The following COG5 variants were observed in gnomAD, a reference collection of about 807,000 sequenced individuals.
COG5 encodes the protein conserved oligomeric Golgi complex subunit 5.
COG5 carries 86 observed loss-of-function variants against 110.4 expected under a neutral mutation model. The ratio of observed to expected loss-of-function variants is 0.78; its 90% CI spans 0.65 to 0.93. The LOEUF (loss-of-function observed/expected upper bound fraction) is 0.93, where lower values mean the gene tolerates loss of function less well. Among genes scored for constraint, COG5 ranks in the 40% least tolerant of loss-of-function variants. The pLI is 0.00. For synonymous variants in COG5, 360 were observed against 334.6 expected, an observed-to-expected ratio of 1.08 and a Z score of -0.83; for missense variants, 1,077 against 987.0, an observed-to-expected ratio of 1.09 and a Z score of -1.22.
intron 19 of COG5, among the ~76,000 whole-genome samples, chr7:107,216,485 TGTCATATGTTAG>T (rs1391193380): frequency 6.6e-6 from 1 of 152,194 alleles, no homozygotes; most frequent in Non-Finnish European, 1.5e-5. Context: ...CTTCAGGATA[TGTCATATGTTAG>T]GTCGCAAACC....
In COG5 at chr7:107,373,007, T is replaced by TA. The variant is rs1325479579; in HGVS notation, c.670-248dup. ...CCCCCTTACCATTTTTGTCCTCCTT[T>TA]AAAAAATAACAAGAAGTTTGAAAGT... On this transcript the variant is annotated intron_variant, in intron 7 of 21. Transcript: ENST00000297135. Among the ~76,000 whole-genome samples, 4 of 152,224 alleles carry TA rather than the reference T, an allele frequency of 2.6e-5. No individual in the cohort carries two copies. The East Asian group carries it at 7.7e-4, about 29-fold the overall frequency.
chr7:107,245,397 C>A (rs1052180150), intron 17 of COG5, among the ~76,000 whole-genome samples: 1 of 152,126 alleles, frequency 6.6e-6, no homozygotes, highest in Non-Finnish European at 1.5e-5. Flanking sequence ...TAAAGAGCAT[C>A]TAAATAGGAA....
intron 14 of COG5, among the ~76,000 whole-genome samples, chr7:107,270,258 CTTTTT>C (rs10611550): frequency 3.6e-5 from 5 of 138,308 alleles, no homozygotes; most frequent in Non-Finnish European, 4.7e-5. Context: ...CTCACACGTG[CTTTTT>C]TTTTTTTTTT....
At chr7:107,224,696 G>A (rs1800194091) in intron 19 of COG5, among the ~76,000 whole-genome samples, 1 of 152,236 alleles carries the variant, frequency 6.6e-6, no homozygotes, top group Non-Finnish European at 1.5e-5. Context: ...AGGAGAAGCT[G>A]AGGTAACAAC....
intron 5 of COG5, among the ~76,000 whole-genome samples, chr7:107,538,626 T>A (rs905700862): frequency 6.6e-6 from 1 of 152,146 alleles, no homozygotes; most frequent in African/African-American, 2.4e-5. Flanking sequence ...AGAATCTTCA[T>A]ACATTGTTGG....
chr7:107,530,627 C>CA (rs1489950824), intron 5 of COG5, among the ~76,000 whole-genome samples: 1 of 100,906 alleles, frequency 9.9e-6, no homozygotes, highest in African/African-American at 3.8e-5. Flanking sequence ...AAAAAAAAAA[C>CA]ACAGTTTTCA....
chr7:107,395,850 C>T (rs772541587), intron 7 of COG5, among the ~76,000 whole-genome samples: 6 of 152,032 alleles, frequency 3.9e-5, no homozygotes, highest in Non-Finnish European at 7.4e-5. Flanking sequence ...CCACTGCGCC[C>T]AGACAAAGCA....
Position 107,236,626 on chromosome 7 carries a change from C to T in COG5, c.1915G>A (p.Gly639Ser). Residue 639 changes from glycine (G) to serine (S), a missense_variant, in exon 18 of 22, where the codon GGT becomes AGT. Transcript: ENST00000297135. The part of the protein sequence containing the change: ...PCSLYMKELQ[G>S]FIARVMSDYF... ...TCACTCATAACTCTGGCAATGAAAC[C>T]TTGTAGCTCCTTCATGTACAGAGAA... 1 of 1,614,092 alleles carries T rather than the reference C, an allele frequency of 6.2e-7. No individual in the cohort carries two copies. Among genetic ancestry groups the T allele is most frequent in the Non-Finnish European group, 8.5e-7 (1 of 1,180,000 alleles).
intron 8 of COG5, among the ~76,000 whole-genome samples, chr7:107,364,437 A>G (rs774351190): frequency 2.0e-5 from 3 of 152,228 alleles, no homozygotes; most frequent in Non-Finnish European, 2.9e-5. Flanking sequence ...TTGAGTATGA[A>G]CTGCACCTTA....
intron 1 of COG5, chr7:107,563,548 G>A (rs553335952): frequency 1.6e-5 from 7 of 447,224 alleles, no homozygotes; most frequent in African/African-American, 2.2e-5. Context: ...GAGGCATGGG[G>A]GGGGGGGGGG....
chr7:107,522,314 C>T (rs982967571), intron 6 of COG5, among the ~76,000 whole-genome samples: 1 of 152,106 alleles, frequency 6.6e-6, no homozygotes, highest in African/African-American at 2.4e-5. Context: ...ACTAAAAATA[C>T]AAAATTAGCC....
intron 8 of COG5, among the ~76,000 whole-genome samples, chr7:107,369,384 CTTTTTTT>C (rs567770114): frequency 6.8e-5 from 7 of 103,142 alleles, no homozygotes. Context: ...AACAAAAATT[CTTTTTTT>C]TTTTTTTTTT....
intron 6 of COG5, among the ~76,000 whole-genome samples, chr7:107,414,349 G>A (rs909865927): frequency 6.6e-6 from 1 of 152,004 alleles, no homozygotes; most frequent in Non-Finnish European, 1.5e-5. Flanking sequence ...GATGTAGCAG[G>A]AAATGAAACT....
chr7:107,536,477 TAGAG>T (rs1348664099), intron 5 of COG5, among the ~76,000 whole-genome samples: 1 of 148,934 alleles, frequency 6.7e-6, no homozygotes, highest in Non-Finnish European at 1.5e-5. Flanking sequence ...ACACCAATAA[TAGAG>T]AGCCAAATCA....
At chr7:107,309,218 T>C (rs537868739) in intron 11 of COG5, among the ~76,000 whole-genome samples, 175 of 152,262 alleles carry the variant, frequency 1.1e-3, no homozygotes, top group African/African-American at 4.0e-3. Context: ...AATGCTATCA[T>C]ATCAATATGA....
At position 107,311,370 on chromosome 7, in the gene COG5, A is replaced by ATTTTT. The variant is rs71134260; in HGVS notation, c.1109-13029_1109-13025dup. Among the ~76,000 whole-genome samples the ATTTTT allele has an allele frequency of 6.5e-3, 386 of 58,954 alleles. 43 individuals are homozygous for ATTTTT. Among genetic ancestry groups the ATTTTT allele is most frequent in the Non-Finnish European group, 9.0e-3 (296 of 32,840 alleles). The allele number at this position is 58,954 out of a possible 152,430, so 38.7% of individuals were successfully genotyped here. On this transcript the variant is annotated intron_variant, in intron 11 of 21. Transcript: ENST00000297135. Reference sequence around the variant, plus strand: ...TATAAGTGATATCGAGCGTATTTACATTTTTTTTTTTTTTTTTTTTTTTTT... The same window carrying ATTTTT: ...TATAAGTGATATCGAGCGTATTTACATTTTTTTTTTTTTTTTTTTTTTTTTTTTTT...
intron 11 of COG5, among the ~76,000 whole-genome samples, chr7:107,307,615 A>T (rs963099810): frequency 3.3e-5 from 5 of 152,184 alleles, no homozygotes; most frequent in Non-Finnish European, 7.3e-5. Context: ...TATTTTCTTT[A>T]TATAGCCACA....
intron 10 of COG5, among the ~76,000 whole-genome samples, chr7:107,330,925 C>T (rs969165907): frequency 2.0e-5 from 3 of 150,910 alleles, no homozygotes; most frequent in Non-Finnish European, 2.9e-5. Context: ...CGGGTTCAAG[C>T]GATTCTCCTG....
chr7:107,482,645 T>C (rs987992908), intron 6 of COG5, among the ~76,000 whole-genome samples: 3 of 152,146 alleles, frequency 2.0e-5, no homozygotes, highest in Non-Finnish European at 2.9e-5. Flanking sequence ...ACTGATTAAA[T>C]TTTAGTTGGA....
Sources: allele counts gnomAD v4.1 joint callset (sites outside exome capture counted in the v4.1 genomes callset), GRCh38; gene constraint gnomAD v4.1.1; transcripts MANE v1.5; gene names NCBI Gene and HGNC (gene_info 2026-07-23, HGNC 2026-07-21).